Variants in MAGI3 observed in about 807,000 individuals in gnomAD.
The protein encoded by MAGI3 is membrane associated guanylate kinase, WW and PDZ domain containing 3, also known as membrane-associated guanylate kinase, WW and PDZ domain-containing protein 3.
Under a neutral mutation model 121.8 loss-of-function variants are expected in MAGI3, and 43 were observed. The observed-to-expected ratio is 0.35, with a 90% CI of 0.28 to 0.46. The LOEUF is 0.46. Ranked by LOEUF, MAGI3 falls within the 20% of genes least tolerant of loss-of-function variation. The pLI, the probability that MAGI3 is intolerant of heterozygous loss-of-function variation, is 1.00. For synonymous variants in MAGI3, 553 were observed against 639.3 expected (o/e 0.86, Z 2.04); for missense variants, 1,547 against 1,797.3 (o/e 0.86, Z 2.52).
intron 9 of MAGI3, among the ~76,000 whole-genome samples, chr1:113,633,998 A>G (rs1319728417): frequency 6.6e-6 from 1 of 150,894 alleles, no homozygotes; most frequent in African/African-American, 2.4e-5. Context: ...GATGGTGAGC[A>G]TTTTTTCATG....
At chr1:113,618,668 G>C in intron 7 of MAGI3, 1 of 308,496 alleles carries the variant, frequency 3.2e-6, no homozygotes, top group Non-Finnish European at 6.2e-6. Context: ...ACCACGCCCA[G>C]CTTATTTTTG....
intron 1 of MAGI3, among the ~76,000 whole-genome samples, chr1:113,415,653 G>A (rs1048353634): frequency 6.6e-6 from 1 of 151,798 alleles, no homozygotes; most frequent in Non-Finnish European, 1.5e-5. Context: ...CTTCAGTTTA[G>A]CATGCAAATC....
intron 1 of MAGI3, among the ~76,000 whole-genome samples, chr1:113,395,116 T>TTTTTTTTTTTTA (rs1651035975): frequency 4.4e-5 from 4 of 90,524 alleles, no homozygotes; most frequent in African/African-American, 1.8e-4. Flanking sequence ...TTTTTTTTTT[T>TTTTTTTTTTTTA]AGTGGGATAT....
At chr1:113,520,248 T>A (rs1311974308) in intron 1 of MAGI3, among the ~76,000 whole-genome samples, 3 of 148,798 alleles carry the variant, frequency 2.0e-5, no homozygotes, top group Non-Finnish European at 3.0e-5. Context: ...TATTGAGACT[T>A]TTTTTTTTTA....
Position 113,449,362 on chromosome 1 carries a change from TG to T in MAGI3, c.316+58014del, listed in dbSNP as rs1654360053. 4.2e-5 allele frequency among the ~76,000 whole-genome samples: 6 copies of T among 141,990 alleles called. No individual in the cohort carries two copies. The South Asian group carries it at 1.3e-3, about 31-fold the overall frequency. 93.2% of individuals were successfully genotyped at this position (141,990 alleles called of 152,430 possible). A position where few individuals can be genotyped will look rare whatever the true frequency, so the allele number is the denominator to read the frequency against. ...TATAAGTGTTGCATTACTTTTATGG[TG>T]TGTGTGTGTGTGTGTGTGTGTGTGT... On this transcript the variant is annotated intron_variant, in intron 1 of 20. Coordinates refer to ENST00000307546, the MANE Select transcript of MAGI3 (RefSeq NM_001142782.2).
At position 113,524,417 on chromosome 1, in the gene MAGI3, A is replaced by G. The variant is rs151325985; in HGVS notation, c.317-25098A>G. 1.2e-4 allele frequency among the ~76,000 whole-genome samples: 19 copies of G among 152,208 alleles called. No homozygotes were observed. In the East Asian group the frequency reaches 3.7e-3, roughly 29 times the overall value. ...TGAAAACAGCCAGGAAGGAGGCTGT[A>G]CCCTGCAAAGCCACAGGGACAGAGC... On this transcript the variant is annotated intron_variant, in intron 1 of 20. Coordinates refer to ENST00000307546, the MANE Select transcript of MAGI3 (RefSeq NM_001142782.2).
At chr1:113,413,289 T>C (rs1196485163) in intron 1 of MAGI3, among the ~76,000 whole-genome samples, 1 of 152,204 alleles carries the variant, frequency 6.6e-6, no homozygotes, top group Non-Finnish European at 1.5e-5. Flanking sequence ...AGCCTTGTAG[T>C]ATAGTTTGAA....
chr1:113,674,003 T>G (rs1647716305), intron 19 of MAGI3, among the ~76,000 whole-genome samples: 2 of 152,216 alleles, frequency 1.3e-5, no homozygotes. Context: ...ACACTGTGAC[T>G]TCGTATAGGG....
At chr1:113,568,846 G>T (rs1188291136) in intron 2 of MAGI3, among the ~76,000 whole-genome samples, 2 of 151,912 alleles carry the variant, frequency 1.3e-5, no homozygotes, top group Admixed American at 1.3e-4. Flanking sequence ...TTTTTAAAAA[G>T]AATATAGAAT....
chr1:113,444,147 GC>G (rs1317421887), intron 1 of MAGI3, among the ~76,000 whole-genome samples: 1 of 152,240 alleles, frequency 6.6e-6, no homozygotes, highest in East Asian at 1.9e-4. Context: ...CACTACCCCA[GC>G]CCCATGGCAG....
At chr1:113,583,553 T>G (rs1648172642) in intron 3 of MAGI3, among the ~76,000 whole-genome samples, 1 of 152,142 alleles carries the variant, frequency 6.6e-6, no homozygotes, top group Non-Finnish European at 1.5e-5. Context: ...TTAGAAAAAG[T>G]GGACTTTTTA....
chr1:113,419,199 T>C (rs995718021), intron 1 of MAGI3, among the ~76,000 whole-genome samples: 1 of 152,172 alleles, frequency 6.6e-6, no homozygotes, highest in African/African-American at 2.4e-5. Context: ...TCTACTTTTA[T>C]CTTCAATATC....
At chr1:113,402,903 A>T (rs1229017305) in intron 1 of MAGI3, among the ~76,000 whole-genome samples, 2 of 152,050 alleles carry the variant, frequency 1.3e-5, no homozygotes, top group Non-Finnish European at 2.9e-5. Flanking sequence ...TGGGGAAACT[A>T]TGTTTGTTAG....
chr1:113,398,884 T>C (rs943319017), intron 1 of MAGI3, among the ~76,000 whole-genome samples: 7 of 152,028 alleles, frequency 4.6e-5, no homozygotes, highest in Non-Finnish European at 8.8e-5. Context: ...TTGTGATATA[T>C]AGCTTAGATC....
chr1:113,638,192 G>A lies in MAGI3; in HGVS notation c.1361-3719G>A, dbSNP rs180710840. Among the ~76,000 whole-genome samples the A allele has an allele frequency of 1.3e-3, 200 of 152,212 alleles. 1 individual carries two copies. The highest frequency in any genetic ancestry group is 2.3e-3 in the Non-Finnish European group (154 of 68,020). ...TGATTTGAATTTCTTCCTGTAGCTC[G>A]GAGTAGTTTGATCGTCTGAAGCCTT... On this transcript the variant is annotated intron_variant, in intron 9 of 20. Coordinates refer to ENST00000307546, the MANE Select transcript of MAGI3 (RefSeq NM_001142782.2).
At position 113,592,645 on chromosome 1, in the gene MAGI3, T is replaced by C. The variant is rs539569965; in HGVS notation, c.939-1836T>C. Among the ~76,000 whole-genome samples the C allele has an allele frequency of 1.1e-3, 166 of 152,310 alleles. 3 individuals are homozygous for C. The highest frequency in any genetic ancestry group is 0.01 in the South Asian group (49 of 4,834). ...AAGTTTGGGGAGATTATTTCTCTAA[T>C]AGCATGAGTAATATAGACTTTCTAG... is the stretch of plus-strand genomic sequence containing the variant. On this transcript the variant is annotated intron_variant, in intron 5 of 20. Coordinates refer to ENST00000307546, the MANE Select transcript of MAGI3 (RefSeq NM_001142782.2).
At chr1:113,497,074 G>A (rs1325544001) in intron 1 of MAGI3, among the ~76,000 whole-genome samples, 1 of 152,140 alleles carries the variant, frequency 6.6e-6, no homozygotes, top group Non-Finnish European at 1.5e-5. Flanking sequence ...CCTGGGCAAC[G>A]TGGGGAGAGC....
intron 2 of MAGI3, among the ~76,000 whole-genome samples, chr1:113,551,645 C>T (rs1227563922): frequency 6.6e-6 from 1 of 152,098 alleles, no homozygotes; most frequent in African/African-American, 2.4e-5. Flanking sequence ...CTCTGTTTTA[C>T]AAATAGTTCT....
At chr1:113,481,300 A>AG (rs1656099823) in intron 1 of MAGI3, among the ~76,000 whole-genome samples, 1 of 152,196 alleles carries the variant, frequency 6.6e-6, no homozygotes, top group African/African-American at 2.4e-5. Context: ...AAACCTAGTT[A>AG]GGTCCGCCTT....
Sources: allele counts gnomAD v4.1 joint callset (sites outside exome capture counted in the v4.1 genomes callset), GRCh38; gene constraint gnomAD v4.1.1; transcripts MANE v1.5; gene names NCBI Gene and HGNC (gene_info 2026-07-23, HGNC 2026-07-21).